Variants in LMNTD1 observed in about 807,000 individuals in gnomAD.
LMNTD1 encodes lamin tail domain containing 1.
A neutral mutation model predicts 50.9 loss-of-function variants in LMNTD1; 35 were observed. The ratio of observed to expected loss-of-function variants is 0.69; its 90% CI spans 0.53 to 0.91. The LOEUF (loss-of-function observed/expected upper bound fraction) is 0.91, where lower values mean the gene tolerates loss of function less well. Among genes scored for constraint, LMNTD1 ranks in the 40% least tolerant of loss-of-function variants. LMNTD1 has a pLI of 0.00. For missense variants in LMNTD1, 470 were observed against 475.5 expected, an observed-to-expected ratio of 0.99 and a Z score of 0.11; for synonymous variants, 153 against 161.9, an observed-to-expected ratio of 0.94 and a Z score of 0.42.
intron 1 of LMNTD1, among the ~76,000 whole-genome samples, chr12:25,619,242 CTCTCTCTCTCTATATA>C (rs1946414172): frequency 1.4e-5 from 1 of 70,982 alleles, no homozygotes; most frequent in South Asian, 4.8e-4. Flanking sequence ...CTCTCTCTCT[CTCTCTCTCTCTATATA>C]TATATATATA....
intron 1 of LMNTD1, among the ~76,000 whole-genome samples, chr12:25,620,333 TCA>T (rs1169049929): frequency 1.3e-5 from 2 of 152,100 alleles, no homozygotes; most frequent in Admixed American, 1.3e-4. Context: ...ATTCCAATTT[TCA>T]CAGTTAGCAA....
chr12:25,619,217 A>ACTCTCTCTCTCTCTCTCTCTCT (rs143233739), intron 1 of LMNTD1, among the ~76,000 whole-genome samples: 1 of 120,110 alleles, frequency 8.3e-6, no homozygotes, highest in African/African-American at 3.2e-5. Context: ...ATGCTTTTCA[A>ACTCTCTCTCTCTCTCTCTCTCT]CTCTCTCTCT....
chr12:25,607,164 G>C (rs1946128709), intron 1 of LMNTD1, among the ~76,000 whole-genome samples: 1 of 152,064 alleles, frequency 6.6e-6, no homozygotes, highest in African/African-American at 2.4e-5. Context: ...TATTTATGTG[G>C]GATTGGTGGC....
chr12:25,504,352 C>T (rs911881014), intron 8 of LMNTD1, among the ~76,000 whole-genome samples: 1 of 152,122 alleles, frequency 6.6e-6, no homozygotes, highest in South Asian at 2.1e-4. Context: ...ATATGGTGGC[C>T]TTCCTTACTC....
intron 1 of LMNTD1, among the ~76,000 whole-genome samples, chr12:25,575,654 A>G (rs780699240): frequency 1.3e-5 from 2 of 151,284 alleles, no homozygotes; most frequent in Non-Finnish European, 2.9e-5. Context: ...CCTCTTTTCC[A>G]GGAACAAGGG....
chr12:25,575,840 C>T lies in LMNTD1; in HGVS notation c.59-29286G>A, dbSNP rs537128065. Among the ~76,000 whole-genome samples the T allele has an allele frequency of 1.4e-4, 22 of 152,232 alleles. No individual in the cohort carries two copies. The South Asian group carries it at 1.7e-3, about 11-fold the overall frequency. On this transcript the variant is annotated intron_variant, in intron 1 of 7. Transcript: ENST00000445693. The stretch of plus-strand genomic sequence containing the variant: ...TCTCCTAATGCTATCCCTCCCTCCT[C>T]CCCCAACACCATGACAGGCCCCAGT...
At chr12:25,506,092 A>T (rs1939754410) in intron 8 of LMNTD1, among the ~76,000 whole-genome samples, 1 of 152,232 alleles carries the variant, frequency 6.6e-6, no homozygotes, top group Non-Finnish European at 1.5e-5. Flanking sequence ...GATAAGTCAG[A>T]TCTATTAAAT....
At chr12:25,508,122 T>A (rs1366789351) in intron 8 of LMNTD1, among the ~76,000 whole-genome samples, 1 of 152,170 alleles carries the variant, frequency 6.6e-6, no homozygotes, top group African/African-American at 2.4e-5. Context: ...TTAAGTTTTT[T>A]AAAATAAAAT....
At chr12:25,515,350 CTA>C (rs962101874) in intron 8 of LMNTD1, among the ~76,000 whole-genome samples, 1 of 151,928 alleles carries the variant, frequency 6.6e-6, no homozygotes, top group Non-Finnish European at 1.5e-5. Context: ...CTCTATATTA[CTA>C]TAGTTAAATC....
chr12:25,518,953 G>A lies in LMNTD1; in HGVS notation c.1031C>T (p.Pro344Leu), dbSNP rs1591880654. 1.2e-6 allele frequency: 2 copies of A among 1,614,030 alleles called. No homozygotes were observed. The highest frequency in any genetic ancestry group is 4.5e-5 in the East Asian group (2 of 44,880). ...QVLLKREKEI[P>L]PTVFPNRSPW... ...GCTGCGATTAGGGAAAACGGTTGGTGGGATTTCCTTCTCTCTGTAAAAGAA... is the reference window on the plus strand; with the variant it reads ...GCTGCGATTAGGGAAAACGGTTGGTAGGATTTCCTTCTCTCTGTAAAAGAA... The change falls in exon 8 of 10, where the codon CCA becomes CTA. Residue 344 changes from proline to leucine, a missense_variant. Physicochemically the swap from Pro to Leu is moderately conservative, Grantham distance 98 (BLOSUM62 -3). Coordinates refer to ENST00000458174, the MANE Select transcript of LMNTD1 (RefSeq NM_001145728.2).
chr12:25,592,857 A>T (rs1408784493), intron 1 of LMNTD1: 1 of 152,182 alleles, frequency 6.6e-6, no homozygotes, highest in African/African-American at 2.4e-5. Context: ...CTGAAAACAG[A>T]CTTGGTGCTG....
intron 4 of LMNTD1, among the ~76,000 whole-genome samples, chr12:25,543,248 C>G (rs1411933840): frequency 6.6e-6 from 1 of 151,978 alleles, no homozygotes; most frequent in African/African-American, 2.4e-5. Context: ...AAAGGAGAGA[C>G]TATATCCCAT....
intron 2 of LMNTD1, among the ~76,000 whole-genome samples, chr12:25,551,860 A>G (rs962556081): frequency 1.3e-5 from 2 of 152,228 alleles, no homozygotes; most frequent in Non-Finnish European, 1.5e-5. Context: ...TCCCTTAAGC[A>G]TAAGTAATTT....
chr12:25,546,610 T>A, intron 3 of LMNTD1, 56 bp from the exon 4 acceptor site: 2 of 1,064,648 alleles, frequency 1.9e-6, no homozygotes, highest in Non-Finnish European at 2.5e-6. Flanking sequence ...AAAATGACAT[T>A]AAAAGGACCT....
chr12:25,520,115 G>C, intron 6 of LMNTD1, 40 bp from the exon 7 acceptor site: 2 of 1,116,332 alleles, frequency 1.8e-6, no homozygotes, highest in Non-Finnish European at 2.6e-6. Context: ...ATGTATATTT[G>C]AGGTTTACAA....
intron 1 of LMNTD1, among the ~76,000 whole-genome samples, chr12:25,565,061 G>A (rs1944497601): frequency 6.6e-6 from 1 of 151,774 alleles, no homozygotes; most frequent in African/African-American, 2.4e-5. Flanking sequence ...CTCTTCTCTT[G>A]GTTTCCATTG....
chr12:25,597,320 T>C (rs1373019280), intron 1 of LMNTD1, among the ~76,000 whole-genome samples: 1 of 151,986 alleles, frequency 6.6e-6, no homozygotes, highest in East Asian at 1.9e-4. Flanking sequence ...AGACATTCCA[T>C]GCCAATGGAA....
Position 25,519,902 on chromosome 12 carries a change from A to C in LMNTD1, c.972T>G (p.Asp324Glu). 6.2e-7 allele frequency: 1 copy of C among 1,612,166 alleles called. No homozygotes were observed. Among genetic ancestry groups the C allele is most frequent in the African/African-American group, 1.3e-5 (1 of 74,938 alleles). The change falls in exon 7 of 10, where the codon GAT becomes GAG. Residue 324 changes from aspartate to glutamate, a missense_variant. Coordinates refer to ENST00000458174, the MANE Select transcript of LMNTD1 (RefSeq NM_001145728.2). The part of the protein sequence containing the change: ...TKEKQDQPKK[D>E]ISNYQVEQAQ... Reference sequence around the variant, plus strand: ...CTTGTTCCACCTGATAATTTGAGATATCTTTCTTAGGTTGATCTTGTTTTT... The same window carrying C: ...CTTGTTCCACCTGATAATTTGAGATCTCTTTCTTAGGTTGATCTTGTTTTT...
At chr12:25,488,559 T>C (rs568528740) in intron 9 of LMNTD1, among the ~76,000 whole-genome samples, 38 of 149,294 alleles carry the variant, frequency 2.5e-4, no homozygotes, top group African/African-American at 9.1e-4. Flanking sequence ...AGTTTTCAAC[T>C]TCTTTGCCTT....
Sources: allele counts gnomAD v4.1 joint callset (sites outside exome capture counted in the v4.1 genomes callset), GRCh38; gene constraint gnomAD v4.1.1; transcripts MANE v1.5; gene names NCBI Gene and HGNC (gene_info 2026-07-23, HGNC 2026-07-21).